Variants in DOCK1 observed in about 807,000 individuals in gnomAD.
DOCK1 encodes dedicator of cytokinesis 1, also known as dedicator of cytokinesis protein 1.
A neutral mutation model predicts 262.7 loss-of-function variants in DOCK1; 138 were observed. That is an observed-to-expected ratio of 0.53 (90% confidence interval 0.46 to 0.61). The LOEUF is 0.61. DOCK1 is among the 20% of genes least tolerant of loss of function. The pLI is 0.00. For synonymous variants in DOCK1, 866 were observed against 867.4 expected, an observed-to-expected ratio of 1.00 and a Z score of 0.03; for missense variants, 1,908 against 2,370.7, an observed-to-expected ratio of 0.80 and a Z score of 4.05.
chr10:126,941,717 T>C (rs944761701), intron 1 of DOCK1, among the ~76,000 whole-genome samples: 10,345 of 152,062 alleles, frequency 0.068, 457 homozygotes, highest in Middle Eastern at 0.15. Context: ...ATCGTGCCAC[T>C]GCACTCCAGC....
intron 18 of DOCK1, among the ~76,000 whole-genome samples, chr10:127,033,520 G>A (rs2043386184): frequency 6.6e-6 from 1 of 152,174 alleles, no homozygotes. Context: ...TCACAGCTGT[G>A]CAGAGTGACT....
At chr10:127,276,858 T>A (rs1256933082) in intron 29 of DOCK1, among the ~76,000 whole-genome samples, 1 of 135,642 alleles carries the variant, frequency 7.4e-6, no homozygotes, top group Non-Finnish European at 1.8e-5. Context: ...TATGGGCCAT[T>A]TCCTATTGCT....
At chr10:126,944,157 G>A (rs2097848440) in intron 1 of DOCK1, among the ~76,000 whole-genome samples, 3 of 151,770 alleles carry the variant, frequency 2.0e-5, no homozygotes, top group Non-Finnish European at 4.4e-5. Context: ...CAGTGGGTTT[G>A]AGAATATTAG....
intron 25 of DOCK1, among the ~76,000 whole-genome samples, chr10:127,123,730 G>C (rs1361422602): frequency 6.6e-6 from 1 of 152,056 alleles, no homozygotes; most frequent in Non-Finnish European, 1.5e-5. Flanking sequence ...TTTGTTCTCG[G>C]GTGGCTCTAA....
chr10:127,223,144 A>C (rs2058504607), intron 27 of DOCK1, among the ~76,000 whole-genome samples: 1 of 152,180 alleles, frequency 6.6e-6, no homozygotes, highest in East Asian at 1.9e-4. Flanking sequence ...CAATACTGAA[A>C]ATCTCTTTGA....
At chr10:127,210,332 G>A (rs1440096179) in intron 27 of DOCK1, among the ~76,000 whole-genome samples, 1 of 152,180 alleles carries the variant, frequency 6.6e-6, no homozygotes, top group Non-Finnish European at 1.5e-5. Context: ...TGACTCCCAC[G>A]GAAGCTGTGG....
intron 1 of DOCK1, among the ~76,000 whole-genome samples, chr10:126,966,604 T>C (rs2037698230): frequency 6.6e-6 from 1 of 152,304 alleles, no homozygotes; most frequent in Admixed American, 6.5e-5. Flanking sequence ...AGATAATACC[T>C]CATTGTGGTT....
At chr10:127,154,705 C>A (rs1364475345) in intron 27 of DOCK1, among the ~76,000 whole-genome samples, 1 of 152,166 alleles carries the variant, frequency 6.6e-6, no homozygotes, top group Non-Finnish European at 1.5e-5. Flanking sequence ...TTCTGTCAGA[C>A]CCCTGAGGCC....
intron 29 of DOCK1, among the ~76,000 whole-genome samples, chr10:127,260,159 G>C (rs1337878140): frequency 6.6e-6 from 1 of 152,226 alleles, no homozygotes; most frequent in Non-Finnish European, 1.5e-5. Context: ...TATGGCGCCT[G>C]ACAGAGGTAC....
In DOCK1 at chr10:127,352,753, C is replaced by T. The variant is rs1373852693; in HGVS notation, c.3225-1916C>T. Among the ~76,000 whole-genome samples, 3 of 152,272 alleles carry T rather than the reference C, an allele frequency of 2.0e-5. No individual in the cohort carries two copies. The East Asian group carries it at 5.8e-4, about 30-fold the overall frequency. On this transcript the variant is annotated intron_variant, in intron 31 of 51. Coordinates refer to ENST00000623213, the MANE Select transcript of DOCK1 (RefSeq NM_001290223.2). ...GATTACAGACATGTGCCACCACGCC[C>T]AGCTAATTTTTGTATTTTTAGTGGA...
intron 27 of DOCK1, among the ~76,000 whole-genome samples, chr10:127,152,212 G>A (rs148445942): frequency 6.6e-5 from 10 of 152,232 alleles, no homozygotes; most frequent in South Asian, 2.1e-4. Flanking sequence ...ACTTCCTAAC[G>A]TACTGATGTT....
chr10:127,027,812 G>T (rs2042973323), intron 16 of DOCK1, among the ~76,000 whole-genome samples: 1 of 152,070 alleles, frequency 6.6e-6, no homozygotes, highest in Admixed American at 6.5e-5. Flanking sequence ...CAGGGGGGCT[G>T]CAGGAGAGCA....
At chr10:126,954,336 T>A in intron 1 of DOCK1, among the ~76,000 whole-genome samples, 2 of 152,380 alleles carry the variant, frequency 1.3e-5, no homozygotes, top group South Asian at 4.1e-4. Flanking sequence ...AGGCCTGGGC[T>A]GCTATGTAGG....
chr10:127,313,440 G>T (rs2062141412), intron 29 of DOCK1, among the ~76,000 whole-genome samples: 1 of 152,176 alleles, frequency 6.6e-6, no homozygotes, highest in Non-Finnish European at 1.5e-5. Context: ...CAGCATTTAA[G>T]CCATAGCGAG....
At position 126,995,384 on chromosome 10, in the gene DOCK1, A is replaced by G. The variant is rs2040111930; in HGVS notation, c.474-1364A>G. On this transcript the variant is annotated intron_variant, in intron 6 of 51. Coordinates refer to ENST00000623213, the MANE Select transcript of DOCK1 (RefSeq NM_001290223.2). This position sits in a 1 kb window ranked among gnomAD's most constrained non-coding sequence, Gnocchi z 5.8. ...CTGGGTGAGCAAGACTCTGTCTGCA[A>G]TCCCAGCACCTCGGGAGGCTGAGGC... 6.6e-6 allele frequency among the ~76,000 whole-genome samples: 1 copy of G among 152,218 alleles called. No individual in the cohort carries two copies. The highest frequency in any genetic ancestry group is 2.4e-5 in the African/African-American group (1 of 41,460).
intron 1 of DOCK1, among the ~76,000 whole-genome samples, chr10:126,951,383 T>C (rs1316017447): frequency 1.3e-5 from 2 of 150,056 alleles, no homozygotes; most frequent in African/African-American, 4.9e-5. Flanking sequence ...GGTGGTAGTA[T>C]TGGTGATGGT....
At chr10:127,394,364 A>AAAT (rs1379099461) in intron 38 of DOCK1, among the ~76,000 whole-genome samples, 1 of 152,014 alleles carries the variant, frequency 6.6e-6, no homozygotes, top group Non-Finnish European at 1.5e-5. Context: ...AAAAAAAAAA[A>AAAT]AAAAAAGCGT....
chr10:127,052,999 G>A (rs1033791887), intron 22 of DOCK1, among the ~76,000 whole-genome samples, 184 bp downstream of exon 22: 2 of 151,994 alleles, frequency 1.3e-5, no homozygotes, highest in African/African-American at 4.8e-5. Flanking sequence ...TTCCTTACCC[G>A]CCTGGGTCCC....
intron 27 of DOCK1, among the ~76,000 whole-genome samples, chr10:127,152,838 C>A: frequency 6.6e-6 from 1 of 152,188 alleles, no homozygotes; most frequent in East Asian, 1.9e-4. Context: ...GACAAGGTCT[C>A]CAGGTGACCC....
Sources: gnomAD v4.1 joint callset for allele counts (sites outside exome capture counted in the v4.1 genomes callset) on GRCh38, gnomAD v4.1.1 for gene constraint, Gnocchi (gnomAD v3.1) non-coding constraint, MANE v1.5 for transcripts, NCBI Gene and HGNC (gene_info 2026-07-23, HGNC 2026-07-21) for gene names.